Variants in PDE6A observed in about 807,000 individuals in gnomAD.
PDE6A encodes the protein phosphodiesterase 6A, also known as rod cGMP-specific 3',5'-cyclic phosphodiesterase subunit alpha.
PDE6A carries 84 observed loss-of-function variants against 106.3 expected under a neutral mutation model. That is an observed-to-expected ratio of 0.79 (90% CI 0.66 to 0.95). The LOEUF (loss-of-function observed/expected upper bound fraction) is 0.95. Among genes scored for constraint, PDE6A ranks in the 40% least tolerant of loss-of-function variants. PDE6A has a pLI of 0.00. For synonymous variants in PDE6A, 394 were observed against 386.6 expected, an observed-to-expected ratio of 1.02 and a Z score of -0.23; for missense variants, 1,052 against 1,084.9, an observed-to-expected ratio of 0.97 and a Z score of 0.43.
chr5:149,930,994 T>C lies in PDE6A; in HGVS notation c.858+34A>G, dbSNP rs997653534. 1.9e-6 allele frequency: 3 copies of C among 1,610,728 alleles called. No individual in the cohort carries two copies. In the Admixed American group the frequency reaches 5.0e-5, roughly 27 times the overall value. On this transcript the variant is annotated intron_variant, in intron 4 of 21. Transcript: ENST00000255266. ...CGTCAGTCAGTGTCTGTTTAATCTT[T>C]TCTTGGAAATGTCTGTTGCTGAAGT...
intron 13 of PDE6A, among the ~76,000 whole-genome samples, chr5:149,888,751 T>G (rs1164280268): frequency 1.3e-5 from 2 of 151,728 alleles, no homozygotes; most frequent in Non-Finnish European, 2.9e-5. Context: ...AAGATAAATC[T>G]TGTGAAAGTA....
At chr5:149,873,871 A>G (rs1581155559) in intron 17 of PDE6A, among the ~76,000 whole-genome samples, 2 of 151,998 alleles carry the variant, frequency 1.3e-5, no homozygotes, top group South Asian at 4.2e-4. Context: ...ACCCTAGATT[A>G]AAATTACTGA....
In PDE6A at chr5:149,884,514, A is replaced by C. The variant is rs1166096156; in HGVS notation, c.1992T>G (p.Ile664Met). ...GGGCGAGGTCTGTGGCAATGATTGC[A>C]ATGTCCATCATGTGGATGGCATGCT... is the stretch of plus-strand genomic sequence containing the variant. ...QHEHAIHMMD[I>M]AIIATDLALY... The change falls in exon 16 of 22, where the codon ATT (isoleucine) becomes ATG (methionine). Residue 664 changes from isoleucine to methionine, a missense_variant. Transcript: ENST00000255266. 6.2e-7 allele frequency: 1 copy of C among 1,613,584 alleles called. No homozygotes were observed. Among genetic ancestry groups the C allele is most frequent in the Admixed American group, 1.7e-5 (1 of 59,966 alleles).
intron 19 of PDE6A, chr5:149,866,526 A>T (rs1385649265): frequency 3.2e-5 from 14 of 441,426 alleles, no homozygotes; most frequent in African/African-American, 2.8e-4. Context: ...GGTGGGAGGG[A>T]TGGCAGGGCC....
chr5:149,918,760 C>G (rs538065439), intron 5 of PDE6A, among the ~76,000 whole-genome samples: 1 of 151,872 alleles, frequency 6.6e-6, no homozygotes, highest in Non-Finnish European at 1.5e-5. Flanking sequence ...TACAGGCACG[C>G]GTCACCATGC....
intron 6 of PDE6A, 125 bp from the exon 7 acceptor site, chr5:149,907,503 A>G: frequency 1.4e-6 from 1 of 721,082 alleles, no homozygotes; most frequent in Non-Finnish European, 2.5e-6. Flanking sequence ...CATTCACTAC[A>G]CCTGACCAAA....
At position 149,943,845 on chromosome 5, in the gene PDE6A, C is replaced by T. The variant is rs76103262; in HGVS notation, c.474+355G>A. Among the ~76,000 whole-genome samples, 77 of 152,138 alleles carry T rather than the reference C, an allele frequency of 5.1e-4. No individual in the cohort carries two copies. The East Asian group carries it at 0.013, about 25-fold the overall frequency. On this transcript the variant is annotated intron_variant, in intron 1 of 21. Coordinates refer to ENST00000255266, the MANE Select transcript of PDE6A (RefSeq NM_000440.3). ...CAGAACAGGGACATTTCTTACCTAT[C>T]CACAGTACAATGATGGGAGCATCGC...
intron 8 of PDE6A, among the ~76,000 whole-genome samples, chr5:149,901,236 C>T (rs897949339): frequency 1.3e-5 from 2 of 152,108 alleles, no homozygotes; most frequent in African/African-American, 4.8e-5. Flanking sequence ...TTCTTAAAAA[C>T]ATTATTCAGG....
At chr5:149,909,801 C>A (rs1753317401) in intron 6 of PDE6A, among the ~76,000 whole-genome samples, 1 of 152,088 alleles carries the variant, frequency 6.6e-6, no homozygotes, top group African/African-American at 2.4e-5. Flanking sequence ...AGAATATTTT[C>A]TAATTTCCAT....
intron 11 of PDE6A, 62 bp downstream of exon 11, chr5:149,896,649 A>G: frequency 6.2e-7 from 1 of 1,613,948 alleles, no homozygotes; most frequent in Admixed American, 1.7e-5. Flanking sequence ...AAACCCCTGC[A>G]TGCTCAGGAG....
At chr5:149,860,998 A>G in intron 21 of PDE6A, 27 bp from the exon 22 acceptor site, 1 of 1,607,382 alleles carries the variant, frequency 6.2e-7, no homozygotes, top group Non-Finnish European at 8.5e-7. Flanking sequence ...AAAAGAACAC[A>G]CCAGGTGACA....
At chr5:149,898,603 A>G in intron 9 of PDE6A, 97 bp from the exon 10 acceptor site, 2 of 1,327,288 alleles carry the variant, frequency 1.5e-6, no homozygotes, top group Non-Finnish European at 2.1e-6. Flanking sequence ...CTGTTTTCTC[A>G]GCTATAAAAT....
At chr5:149,921,848 G>C in intron 4 of PDE6A, 139 bp from the exon 5 acceptor site, 2 of 730,832 alleles carry the variant, frequency 2.7e-6, no homozygotes, top group East Asian at 5.4e-5. Context: ...ACTTGGAAAG[G>C]CAGTAAGACT....
intron 6 of PDE6A, among the ~76,000 whole-genome samples, chr5:149,907,874 A>T (rs2113617165): frequency 6.6e-6 from 1 of 152,342 alleles, no homozygotes; most frequent in Middle Eastern, 3.4e-3. Flanking sequence ...AGCATTAAAA[A>T]CTTCACCAAT....
chr5:149,922,069 G>A (rs1753738722), intron 4 of PDE6A, among the ~76,000 whole-genome samples: 1 of 152,098 alleles, frequency 6.6e-6, no homozygotes, highest in African/African-American at 2.4e-5. Flanking sequence ...GTCCCAAGCA[G>A]TATCATTTAT....
At chr5:149,944,117 G>A in intron 1 of PDE6A, 83 bp downstream of exon 1, 2 of 980,592 alleles carry the variant, frequency 2.0e-6, no homozygotes, top group East Asian at 2.4e-5. Flanking sequence ...TTGTCTTGGT[G>A]GCCAATGCCC....
chr5:149,905,076 T>C (rs536767901), intron 7 of PDE6A, among the ~76,000 whole-genome samples: 1 of 152,308 alleles, frequency 6.6e-6, no homozygotes, highest in African/African-American at 2.4e-5. Context: ...ACCAGTTCAC[T>C]CTGCTGCATG....
At chr5:149,870,840 G>C (rs986264502) in intron 17 of PDE6A, among the ~76,000 whole-genome samples, 4 of 132,728 alleles carry the variant, frequency 3.0e-5, no homozygotes, top group Admixed American at 1.6e-4. Context: ...GGTCCAAGGT[G>C]AAAAAAGAAG....
At chr5:149,879,515 A>G (rs938550163) in intron 17 of PDE6A, among the ~76,000 whole-genome samples, 5 of 150,178 alleles carry the variant, frequency 3.3e-5, no homozygotes, top group Non-Finnish European at 7.4e-5. Context: ...ATGCTGGTGC[A>G]CTGCACCCAC....
Sources: gnomAD v4.1 joint callset for allele counts (sites outside exome capture counted in the v4.1 genomes callset) on GRCh38, gnomAD v4.1.1 for gene constraint, MANE v1.5 for transcripts, NCBI Gene and HGNC (gene_info 2026-07-23, HGNC 2026-07-21) for gene names.